DGCR6L: variants seen among roughly 807,000 people sequenced by gnomAD.
The protein encoded by DGCR6L is DiGeorge syndrome critical region gene 6 like.
A neutral mutation model predicts 31.1 loss-of-function variants in DGCR6L; 24 were observed. That is an observed-to-expected ratio of 0.77 (90% confidence interval 0.56 to 1.08). The LOEUF (loss-of-function observed/expected upper bound fraction) is 1.08. DGCR6L is among the 50% of genes least tolerant of loss of function. The pLI is 0.00. For missense variants in DGCR6L, 218 were observed against 287.1 expected (o/e 0.76, Z 1.74); for synonymous variants, 104 against 126.1 (o/e 0.82, Z 1.17).
At chr22:20,316,923 G>A (rs1329506222) in intron 2 of DGCR6L, among the ~76,000 whole-genome samples, 1 of 152,230 alleles carries the variant, frequency 6.6e-6, no homozygotes, top group Non-Finnish European at 1.5e-5. Flanking sequence ...TGTCTGGTCT[G>A]AAGGGAATGT....
intron 2 of DGCR6L, 58 bp downstream of exon 2, chr22:20,319,581 G>A: frequency 6.3e-7 from 1 of 1,587,300 alleles, no homozygotes; most frequent in Non-Finnish European, 8.6e-7. Context: ...GATACCAAGA[G>A]CTGCCCGGAG....
In DGCR6L at chr22:20,319,803, C is replaced by T; in HGVS notation, c.111-4G>A. On this transcript the variant is annotated splice_polypyrimidine_tract_variant and splice_region_variant and intron_variant, in intron 1 of 4. Transcript: ENST00000248879. ...GGACAGGCGCTGCTGGAAAGAGCTG[C>T]GGGTAGGGGGGCGCGGTGAGCCCCG... 1 of 1,607,738 alleles carries T rather than the reference C, an allele frequency of 6.2e-7. No homozygotes were observed. The highest frequency in any genetic ancestry group is 8.5e-7 in the Non-Finnish European group (1 of 1,177,460).
At position 20,314,590 on chromosome 22, in the gene DGCR6L, C is replaced by G; in HGVS notation, c.*85G>C. On this transcript the variant is annotated 3_prime_UTR_variant, in exon 5 of 5. Transcript: ENST00000248879. ...TGGGGTCCACCTGGTCTCTCCTCAG[C>G]AGGGGGAACCCCCTGCGGGCAGCTG... 1 of 1,477,596 alleles carries G rather than the reference C, an allele frequency of 6.8e-7. No homozygotes were observed. Among genetic ancestry groups the G allele is most frequent in the Non-Finnish European group, 9.0e-7 (1 of 1,110,572 alleles). The allele number at this position is 1,477,596 out of a possible 1,614,324, so 91.5% of individuals were successfully genotyped here.
Position 20,315,579 on chromosome 22 carries a change from C to A in DGCR6L, c.373-103G>T, listed in dbSNP as rs1012353229. 3.4e-6 allele frequency: 5 copies of A among 1,487,194 alleles called. No individual in the cohort carries two copies. The African/African-American group carries it at 5.5e-5, about 16-fold the overall frequency. 92.1% of individuals were successfully genotyped at this position (1,487,194 alleles called of 1,614,324 possible). A position where few individuals can be genotyped will look rare whatever the true frequency, so the allele number is the denominator to read the frequency against. ...CAAACACATGCTCCTGCTGCCGTCCCCAGTGGCAGCAGCTCTGACACCACC... is the reference window on the plus strand; with the variant it reads ...CAAACACATGCTCCTGCTGCCGTCCACAGTGGCAGCAGCTCTGACACCACC... On this transcript the variant is annotated intron_variant, in intron 3 of 4. Coordinates refer to ENST00000248879, the MANE Select transcript of DGCR6L (RefSeq NM_033257.4).
chr22:20,315,255 C>G, intron 4 of DGCR6L, 81 bp downstream of exon 4: 2 of 1,551,602 alleles, frequency 1.3e-6, no homozygotes, highest in Non-Finnish European at 1.7e-6. Flanking sequence ...AGCCTGGCTC[C>G]CCAGGGACCA....
At position 20,316,080 on chromosome 22, in the gene DGCR6L, G is replaced by A. The variant is rs773429165; in HGVS notation, c.372+39C>T. 6.4e-6 allele frequency: 10 copies of A among 1,561,084 alleles called. No individual in the cohort carries two copies. In the Admixed American group the frequency reaches 1.7e-4, roughly 26 times the overall value. On this transcript the variant is annotated intron_variant, in intron 3 of 4. Transcript: ENST00000248879. ...TCAGCAGAGCCAGGTGGTGCCCACA[G>A]GAGAGCTGGGCCGGCCACCCTGCCT...
rs545245892 is a variant in DGCR6L at position 20,316,071 on chromosome 22, G to T, written c.372+48C>A. 45 of 1,541,646 alleles carry T rather than the reference G, an allele frequency of 2.9e-5. No individual in the cohort carries two copies. In the Admixed American group the frequency reaches 4.2e-4, roughly 15 times the overall value. On this transcript the variant is annotated intron_variant, in intron 3 of 4. Coordinates refer to ENST00000248879, the MANE Select transcript of DGCR6L (RefSeq NM_033257.4). The stretch of plus-strand genomic sequence containing the variant: ...TCAGCCCAGTCAGCAGAGCCAGGTG[G>T]TGCCCACAGGAGAGCTGGGCCGGCC...
chr22:20,314,413 T>C lies in DGCR6L; in HGVS notation c.*262A>G. 1.9e-6 allele frequency: 1 copy of C among 523,330 alleles called. No individual in the cohort carries two copies. The highest frequency in any genetic ancestry group is 3.2e-6 in the Non-Finnish European group (1 of 312,882). The allele number at this position is 523,330 out of a possible 1,614,324, so 32.4% of individuals were successfully genotyped here. On this transcript the variant is annotated 3_prime_UTR_variant, in exon 5 of 5. Transcript: ENST00000248879. ...GCGCTCGGGTGGGCCCCAGTGCAGGTTGGGATGTGCCCGGTGGAGTAAGGT... is the reference window on the plus strand; with the variant it reads ...GCGCTCGGGTGGGCCCCAGTGCAGGCTGGGATGTGCCCGGTGGAGTAAGGT...
chr22:20,314,393 C>T lies in DGCR6L; in HGVS notation c.*282G>A, dbSNP rs1179249527. 29 of 434,626 alleles carry T rather than the reference C, an allele frequency of 6.7e-5. No individual in the cohort carries two copies. The highest frequency in any genetic ancestry group is 8.0e-5 in the Non-Finnish European group (20 of 251,274). The allele number at this position is 434,626 out of a possible 1,614,324, so 26.9% of individuals were successfully genotyped here. ...AGCGGCTGAGACCAGAACAAGCGCTCGGGTGGGCCCCAGTGCAGGTTGGGA... is the reference window on the plus strand; with the variant it reads ...AGCGGCTGAGACCAGAACAAGCGCTTGGGTGGGCCCCAGTGCAGGTTGGGA... On this transcript the variant is annotated 3_prime_UTR_variant, in exon 5 of 5. Coordinates refer to ENST00000248879, the MANE Select transcript of DGCR6L (RefSeq NM_033257.4).
chr22:20,315,014 A>G (rs2051561313), intron 4 of DGCR6L, 190 bp from the exon 5 acceptor site: 1 of 1,356,224 alleles, frequency 7.4e-7, no homozygotes, highest in Non-Finnish European at 1.0e-6. Flanking sequence ...CTCTGCCCCC[A>G]GCAGGGCCAC....
At chr22:20,318,086 A>T in intron 2 of DGCR6L, 1 of 195,402 alleles carries the variant, frequency 5.1e-6, no homozygotes, top group Non-Finnish European at 1.1e-5. Flanking sequence ...TCCAGCATAC[A>T]TAAAAAGGAT....
chr22:20,319,844 G>A, intron 1 of DGCR6L, 35 bp downstream of exon 1: 7 of 1,588,038 alleles, frequency 4.4e-6, no homozygotes, highest in Non-Finnish European at 6.0e-6. Flanking sequence ...AAACGAAGCC[G>A]CCTCCGCAGG....
In DGCR6L at chr22:20,319,806, G is replaced by GT. The variant is rs1442084359; in HGVS notation, c.111-8dup. 1 of 1,606,770 alleles carries GT rather than the reference G, an allele frequency of 6.2e-7. No homozygotes were observed. Among genetic ancestry groups the GT allele is most frequent in the African/African-American group, 1.3e-5 (1 of 74,854 alleles). On this transcript the variant is annotated splice_polypyrimidine_tract_variant and splice_region_variant and intron_variant, in intron 1 of 4. Transcript: ENST00000248879. ...CAGGCGCTGCTGGAAAGAGCTGCGGGTAGGGGGGCGCGGTGAGCCCCGGCG... is the reference window on the plus strand; with the variant it reads ...CAGGCGCTGCTGGAAAGAGCTGCGGGTTAGGGGGGCGCGGTGAGCCCCGGCG...
Position 20,314,334 on chromosome 22 carries a change from G to A in DGCR6L, c.*341C>T, listed in dbSNP as rs1482286605. ...GGTCACACAGAGCTTGGGCCTGGGA[G>A]CCTCTTCTGCATGGGGGCTGCAGCT... On this transcript the variant is annotated 3_prime_UTR_variant, in exon 5 of 5. Coordinates refer to ENST00000248879, the MANE Select transcript of DGCR6L (RefSeq NM_033257.4). The A allele has an allele frequency of 1.5e-5, 4 of 262,188 alleles. No homozygotes were observed. Among genetic ancestry groups the A allele is most frequent in the Non-Finnish European group, 2.9e-5 (4 of 138,074 alleles). The allele number at this position is 262,188 out of a possible 1,614,324, so 16.2% of individuals were successfully genotyped here.
chr22:20,315,471 C>T lies in DGCR6L; in HGVS notation c.378G>A (p.Val126=). The part of the protein sequence containing the change: ...QAAQQRELEA[V]EHRIREEQRA... ...GCTGCTCCTCACGGATCCGGTGTTC[C>T]ACGGCCTGCCATGGGGCCAGGGCGC... Residue 126 remains valine, a synonymous_variant, in exon 4 of 5, where the codon GTG becomes GTA. Coordinates refer to ENST00000248879, the MANE Select transcript of DGCR6L (RefSeq NM_033257.4). 11 of 1,613,352 alleles carry T rather than the reference C, an allele frequency of 6.8e-6. No homozygotes were observed. The highest frequency in any genetic ancestry group is 9.3e-6 in the Non-Finnish European group (11 of 1,179,918).
intron 3 of DGCR6L, 115 bp downstream of exon 3, chr22:20,316,004 C>T (rs758487370): frequency 4.3e-5 from 56 of 1,296,104 alleles, no homozygotes; most frequent in Non-Finnish European, 5.3e-5. Context: ...CCACTCAGGC[C>T]CAGGACAGCC....
intron 4 of DGCR6L, 83 bp from the exon 5 acceptor site, chr22:20,314,907 C>G: frequency 6.3e-7 from 1 of 1,594,004 alleles, no homozygotes; most frequent in Non-Finnish European, 8.5e-7. Context: ...GGCAGTGAGC[C>G]CACGGGGGCG....
At chr22:20,317,786 G>A (rs538135540) in intron 2 of DGCR6L, among the ~76,000 whole-genome samples, 1 of 152,384 alleles carries the variant, frequency 6.6e-6, no homozygotes, top group South Asian at 2.1e-4. Flanking sequence ...ACATGGCACA[G>A]TCTGGGCATT....
intron 4 of DGCR6L, 116 bp from the exon 5 acceptor site, chr22:20,314,940 T>C: frequency 1.3e-6 from 2 of 1,559,846 alleles, no homozygotes; most frequent in Non-Finnish European, 1.7e-6. Flanking sequence ...AGCCTGGTCA[T>C]GGCCTGCCAG....
Sources: allele counts gnomAD v4.1 joint callset (sites outside exome capture counted in the v4.1 genomes callset), GRCh38; gene constraint gnomAD v4.1.1; transcripts MANE v1.5; gene names NCBI Gene and HGNC (gene_info 2026-07-23, HGNC 2026-07-21).